Variants in DLG2 observed in about 807,000 individuals in gnomAD.
DLG2 encodes the protein disks large homolog 2.
A neutral mutation model predicts 132.5 loss-of-function variants in DLG2; 45 were observed. That is an observed-to-expected ratio of 0.34 (90% CI 0.27 to 0.44). The LOEUF (loss-of-function observed/expected upper bound fraction) is 0.44, where lower values mean the gene tolerates loss of function less well. Ranked by LOEUF, DLG2 falls within the 20% of genes least tolerant of loss-of-function variation. DLG2 has a pLI of 1.00. For synonymous variants in DLG2, 424 were observed against 419.6 expected, an observed-to-expected ratio of 1.01 and a Z score of -0.13; for missense variants, 1,045 against 1,196.9, an observed-to-expected ratio of 0.87 and a Z score of 1.87.
At chr11:84,078,664 T>C in intron 10 of DLG2, among the ~76,000 whole-genome samples, 1 of 152,172 alleles carries the variant, frequency 6.6e-6, no homozygotes, top group African/African-American at 2.4e-5. Flanking sequence ...TCCACCTATG[T>C]ACTCCTAGAG....
chr11:85,358,964 G>T (rs564333940), intron 3 of DLG2, among the ~76,000 whole-genome samples: 8 of 151,694 alleles, frequency 5.3e-5, no homozygotes, highest in Admixed American at 1.3e-4. Flanking sequence ...ACTACTCTGC[G>T]CTTTATCTAA....
chr11:83,498,962 T>C (rs1350340405), intron 21 of DLG2, among the ~76,000 whole-genome samples: 1 of 152,056 alleles, frequency 6.6e-6, no homozygotes, highest in Non-Finnish European at 1.5e-5. Context: ...TTAGATAAGA[T>C]GGACTAATTC....
chr11:84,316,405 A>G (rs1255051802), intron 7 of DLG2, among the ~76,000 whole-genome samples: 3 of 152,240 alleles, frequency 2.0e-5, no homozygotes, highest in African/African-American at 7.2e-5. Context: ...ACTGTTTTCT[A>G]TAGCTAAAGA....
chr11:85,488,304 G>A (rs915751661), intron 3 of DLG2, among the ~76,000 whole-genome samples: 22 of 151,736 alleles, frequency 1.4e-4, no homozygotes, highest in African/African-American at 3.4e-4. Flanking sequence ...AAGGAGAATC[G>A]CTTGAACCCA....
chr11:84,056,236 CG>C (rs1419892203), intron 11 of DLG2, among the ~76,000 whole-genome samples: 1 of 152,028 alleles, frequency 6.6e-6, no homozygotes, highest in Admixed American at 6.6e-5. Context: ...CCCACAACCC[CG>C]GAACAGGCCC....
intron 6 of DLG2, among the ~76,000 whole-genome samples, chr11:84,897,876 A>G (rs2090406202): frequency 6.6e-6 from 1 of 151,882 alleles, no homozygotes; most frequent in Non-Finnish European, 1.5e-5. Flanking sequence ...GTCCAGAGAT[A>G]ATATGGAACA....
intron 6 of DLG2, among the ~76,000 whole-genome samples, chr11:84,780,221 T>C (rs1290866080): frequency 6.6e-6 from 1 of 152,054 alleles, no homozygotes; most frequent in Non-Finnish European, 1.5e-5. Context: ...GATGCAAAGA[T>C]GGCTCAATAT....
chr11:83,874,534 A>AT (rs202072095), intron 15 of DLG2, 46 bp from the exon 16 acceptor site: 6 of 1,286,462 alleles, frequency 4.7e-6, no homozygotes, highest in African/African-American at 3.7e-5. Context: ...TTTATTTTTT[A>AT]TTTTTTTATT....
intron 6 of DLG2, among the ~76,000 whole-genome samples, chr11:84,992,449 C>A (rs1479034033): frequency 1.3e-5 from 2 of 152,142 alleles, no homozygotes; most frequent in African/African-American, 4.8e-5. Context: ...AAAGAAGATA[C>A]TTAATTCCTT....
chr11:85,495,504 T>C (rs1246680183), intron 3 of DLG2, among the ~76,000 whole-genome samples: 2 of 152,058 alleles, frequency 1.3e-5, no homozygotes, highest in African/African-American at 4.8e-5. Context: ...AAGGAAGAGA[T>C]TTATGCAGCC....
chr11:83,926,527 A>T (rs950425545), intron 15 of DLG2, among the ~76,000 whole-genome samples: 2 of 152,110 alleles, frequency 1.3e-5, no homozygotes, highest in African/African-American at 2.4e-5. Flanking sequence ...AAGTTGTCCC[A>T]TTATAGTAGC....
At chr11:85,392,559 G>A (rs919908354) in intron 3 of DLG2, among the ~76,000 whole-genome samples, 4 of 152,020 alleles carry the variant, frequency 2.6e-5, no homozygotes, top group African/African-American at 9.7e-5. Context: ...CATACTACCT[G>A]ACTTCAAACT....
chr11:85,477,824 G>T (rs990487550), intron 3 of DLG2, among the ~76,000 whole-genome samples: 6 of 152,118 alleles, frequency 3.9e-5, no homozygotes, highest in African/African-American at 1.4e-4. Flanking sequence ...AAGTATTTTT[G>T]AATCTACCTC....
At chr11:84,328,350 G>C (rs1355025584) in intron 7 of DLG2, among the ~76,000 whole-genome samples, 1 of 151,700 alleles carries the variant, frequency 6.6e-6, no homozygotes, top group African/African-American at 2.4e-5. Flanking sequence ...GGAGGGAATG[G>C]TCACAAACTG....
intron 18 of DLG2, among the ~76,000 whole-genome samples, chr11:83,679,543 C>A (rs748755238): frequency 5.9e-4 from 90 of 151,858 alleles, no homozygotes; most frequent in Non-Finnish European, 1.1e-3. Flanking sequence ...TACTAAGTTT[C>A]CAAAATAAAA....
chr11:83,539,121 A>G (rs2095983630), intron 20 of DLG2, among the ~76,000 whole-genome samples: 1 of 152,204 alleles, frequency 6.6e-6, no homozygotes, highest in African/African-American at 2.4e-5. Flanking sequence ...TAAATTAATA[A>G]TTGTAAAGGG....
intron 18 of DLG2, among the ~76,000 whole-genome samples, chr11:83,785,173 GC>G (rs1296365551): frequency 6.6e-6 from 1 of 151,990 alleles, no homozygotes; most frequent in Non-Finnish European, 1.5e-5. Context: ...TCCTGCCTCA[GC>G]CTCCTGAGTA....
intron 6 of DLG2, among the ~76,000 whole-genome samples, chr11:84,952,379 C>T (rs1053052411): frequency 5.9e-5 from 9 of 152,118 alleles, no homozygotes; most frequent in African/African-American, 1.4e-4. Flanking sequence ...TAGCCGGGCG[C>T]AGTGGCGGGC....
intron 8 of DLG2, among the ~76,000 whole-genome samples, chr11:84,193,581 T>A (rs1442502736): frequency 6.6e-6 from 1 of 152,254 alleles, no homozygotes; most frequent in East Asian, 1.9e-4. Flanking sequence ...TATGGAATAC[T>A]TCAAAATTAT....
Sources: gnomAD v4.1 joint callset for allele counts (sites outside exome capture counted in the v4.1 genomes callset) on GRCh38, gnomAD v4.1.1 for gene constraint, MANE v1.5 for transcripts, NCBI Gene and HGNC (gene_info 2026-07-23, HGNC 2026-07-21) for gene names.